ZNF697: variants seen among roughly 807,000 people sequenced by gnomAD.
ZNF697 encodes the protein zinc finger protein 697.
Under a neutral mutation model 32.4 loss-of-function variants are expected in ZNF697, and 23 were observed. The observed-to-expected ratio is 0.71, with a 90% CI of 0.51 to 1.01. The LOEUF (loss-of-function observed/expected upper bound fraction) is 1.01, where lower values mean the gene tolerates loss of function less well. Ranked by LOEUF, ZNF697 falls within the 50% of genes least tolerant of loss-of-function variation. ZNF697 has a pLI of 0.00. For synonymous variants in ZNF697, 418 were observed against 337.2 expected (o/e 1.24, Z -2.62); for missense variants, 930 against 794.0 (o/e 1.17, Z -2.06).
chr1:119,635,659 ATTATTGGTCC>A (rs1648899165), intron 1 of ZNF697, among the ~76,000 whole-genome samples: 1 of 152,194 alleles, frequency 6.6e-6, no homozygotes, highest in African/African-American at 2.4e-5. Flanking sequence ...AAGTACATCA[ATTATTGGTCC>A]TCCCTAGAAT....
intron 1 of ZNF697, among the ~76,000 whole-genome samples, chr1:119,641,548 A>C (rs906749528): frequency 6.6e-6 from 1 of 152,232 alleles, no homozygotes; most frequent in African/African-American, 2.4e-5. Context: ...GAAAATATGC[A>C]GATGGCAAAT....
intron 1 of ZNF697, among the ~76,000 whole-genome samples, chr1:119,629,964 G>T (rs587658205): frequency 6.6e-6 from 1 of 152,322 alleles, no homozygotes; most frequent in East Asian, 1.9e-4. Flanking sequence ...TGTAAACAGA[G>T]TATAGGTCTA....
chr1:119,623,313 C>G lies in ZNF697; in HGVS notation c.1030G>C (p.Gly344Arg). The G allele has an allele frequency of 2.3e-6, 3 of 1,302,254 alleles. No homozygotes were observed. Among genetic ancestry groups the G allele is most frequent in the Non-Finnish European group, 2.9e-6 (3 of 1,028,148 alleles). 80.7% of individuals were successfully genotyped at this position (1,302,254 alleles called of 1,614,324 possible). ...SHRRAHAAAS[G>R]AGAAALRPFA... ...GGCCGCAGCGCCGCCGCCCCCGCGC[C>G]GCTGGCCGCCGCGTGCGCGCGCCGG... is the stretch of plus-strand genomic sequence containing the variant. The change falls in exon 3 of 3, where the codon GGC becomes CGC. Residue 344 changes from glycine (G) to arginine (R), a missense_variant. Coordinates refer to ENST00000421812, the MANE Select transcript of ZNF697 (RefSeq NM_001080470.2).
intron 1 of ZNF697, among the ~76,000 whole-genome samples, chr1:119,627,726 A>C (rs1039688754): frequency 1.4e-4 from 22 of 152,154 alleles, no homozygotes; most frequent in African/African-American, 5.3e-4. Flanking sequence ...GCTGTGTCTG[A>C]GGTTGGTCAG....
chr1:119,641,549 G>C (rs146641738), intron 1 of ZNF697, among the ~76,000 whole-genome samples: 282 of 152,266 alleles, frequency 1.9e-3, no homozygotes, highest in African/African-American at 6.4e-3. Flanking sequence ...AAAATATGCA[G>C]ATGGCAAATA....
intron 1 of ZNF697, among the ~76,000 whole-genome samples, chr1:119,628,080 A>G (rs1197904313): frequency 5.3e-5 from 7 of 131,132 alleles, no homozygotes; most frequent in South Asian, 2.5e-4. Flanking sequence ...GGGCGGGGGG[A>G]GTTAAGAGGG....
chr1:119,641,500 A>T (rs1649074017), intron 1 of ZNF697, among the ~76,000 whole-genome samples: 1 of 152,224 alleles, frequency 6.6e-6, no homozygotes, highest in Non-Finnish European at 1.5e-5. Context: ...AAACCCAATT[A>T]AAAATGGGCA....
At position 119,622,810 on chromosome 1, in the gene ZNF697, G is replaced by A. The variant is rs377327396; in HGVS notation, c.1533C>T (p.His511=). 1.9e-6 allele frequency: 3 copies of A among 1,599,768 alleles called. No homozygotes were observed. The African/African-American group carries it at 4.0e-5, about 21-fold the overall frequency. ...GCTTGTTGCCCGTGTGGATGCGGCG[G>A]TGGCGGATCAGGTGGGAGCTCTGGA... ...SFIQSSHLIR[H]RRIHTGNKPH... The change falls in exon 3 of 3, where the codon CAC becomes CAT. Residue 511 remains histidine, a synonymous_variant. Transcript: ENST00000421812.
intron 1 of ZNF697, among the ~76,000 whole-genome samples, chr1:119,627,235 T>C (rs978408060): frequency 2.0e-5 from 3 of 152,188 alleles, no homozygotes; most frequent in Admixed American, 6.5e-5. Context: ...AAGATGCCTC[T>C]TGCTTGGCTG....
At chr1:119,646,067 T>G (rs1649193489) in intron 1 of ZNF697, among the ~76,000 whole-genome samples, 1 of 152,144 alleles carries the variant, frequency 6.6e-6, no homozygotes, top group Non-Finnish European at 1.5e-5. Context: ...GCCTTAGTCA[T>G]GCTGCTGATG....
At chr1:119,641,669 G>A (rs1034401165) in intron 1 of ZNF697, among the ~76,000 whole-genome samples, 8 of 152,172 alleles carry the variant, frequency 5.3e-5, no homozygotes, top group Non-Finnish European at 1.0e-4. Flanking sequence ...GGGACCAGAT[G>A]GGAGGTAATT....
At chr1:119,627,623 A>T (rs1285166407) in intron 1 of ZNF697, among the ~76,000 whole-genome samples, 1 of 152,180 alleles carries the variant, frequency 6.6e-6, no homozygotes, top group Admixed American at 6.6e-5. Context: ...TAATTTTGGC[A>T]GACTCATCAC....
chr1:119,623,589 G>C lies in ZNF697; in HGVS notation c.754C>G (p.Leu252Val), dbSNP rs1365100766. ...VAGGFGAGPP[L>V]ARPPREKPFR... ...GGCTTTTCGCGCGGGGGCCGGGCCA[G>C]CGGGGGCCCGGCCCCGAAGCCCCCC... is the stretch of plus-strand genomic sequence containing the variant. The change falls in exon 3 of 3, where the codon CTG becomes GTG. Residue 252 changes from leucine (L) to valine (V), a missense_variant. By Grantham distance (32) the Leu-to-Val change is conservative. Coordinates refer to ENST00000421812, the MANE Select transcript of ZNF697 (RefSeq NM_001080470.2). The C allele has an allele frequency of 9.7e-6, 14 of 1,437,168 alleles. No homozygotes were observed. In the African/African-American group the frequency reaches 1.8e-4, roughly 19 times the overall value. 89.0% of individuals were successfully genotyped at this position (1,437,168 alleles called of 1,614,324 possible).
chr1:119,645,800 C>T (rs1403902681), intron 1 of ZNF697, among the ~76,000 whole-genome samples: 2 of 152,080 alleles, frequency 1.3e-5, no homozygotes, highest in Non-Finnish European at 2.9e-5. Flanking sequence ...GAAGTAGAAT[C>T]TTAGATACAA....
intron 1 of ZNF697, among the ~76,000 whole-genome samples, chr1:119,636,342 C>T (rs1354040645): frequency 1.3e-5 from 2 of 152,076 alleles, no homozygotes; most frequent in African/African-American, 2.4e-5. Flanking sequence ...TGAAAGGATC[C>T]GTGGAACGAA....
In ZNF697 at chr1:119,619,391, A is replaced by T. The variant is rs1256853851; in HGVS notation, c.*3314T>A. ...GCTTCCATAGATAGAGCTGAGTGAC[A>T]TTTAATGTGTGGCAAAGAAGAATGA... On this transcript the variant is annotated 3_prime_UTR_variant, in exon 3 of 3. Coordinates refer to ENST00000421812, the MANE Select transcript of ZNF697 (RefSeq NM_001080470.2). The T allele has an allele frequency of 6.6e-6, 1 of 152,240 alleles. No homozygotes were observed. Among genetic ancestry groups the T allele is most frequent in the Non-Finnish European group, 1.5e-5 (1 of 68,040 alleles). 9.4% of individuals were successfully genotyped at this position (152,240 alleles called of 1,614,324 possible).
chr1:119,624,564 G>C (rs587597432), intron 2 of ZNF697, among the ~76,000 whole-genome samples: 9 of 152,270 alleles, frequency 5.9e-5, no homozygotes, highest in Admixed American at 2.6e-4. Flanking sequence ...AAGACCACTT[G>C]GCCTAACCAG....
intron 2 of ZNF697, among the ~76,000 whole-genome samples, chr1:119,624,384 G>C (rs1345722731): frequency 1.3e-5 from 2 of 151,882 alleles, no homozygotes; most frequent in Non-Finnish European, 2.9e-5. Context: ...CCGAGGCACT[G>C]CCTAGCAGAG....
chr1:119,619,426 A>C lies in ZNF697; in HGVS notation c.*3279T>G, dbSNP rs953127714. Reference sequence around the variant, plus strand: ...TGGCAAAGAAGAATGACATGGTAAAAGACTGATATGGATTTAATGACAAAT... The same window carrying C: ...TGGCAAAGAAGAATGACATGGTAAACGACTGATATGGATTTAATGACAAAT... On this transcript the variant is annotated 3_prime_UTR_variant, in exon 3 of 3. Transcript: ENST00000421812. The C allele has an allele frequency of 1.3e-5, 2 of 152,258 alleles. No individual in the cohort carries two copies. The highest frequency in any genetic ancestry group is 4.8e-5 in the African/African-American group (2 of 41,464). The allele number at this position is 152,258 out of a possible 1,614,324, so 9.4% of individuals were successfully genotyped here.
Sources: allele counts gnomAD v4.1 joint callset (sites outside exome capture counted in the v4.1 genomes callset), GRCh38; gene constraint gnomAD v4.1.1; transcripts MANE v1.5; gene names NCBI Gene and HGNC (gene_info 2026-07-23, HGNC 2026-07-21).